RBP2: variants seen among roughly 807,000 people sequenced by gnomAD.
RBP2 encodes retinol-binding protein 2.
RBP2 carries 17 observed loss-of-function variants against 17.0 expected under a neutral mutation model. The ratio of observed to expected loss-of-function variants is 1.00; its 90% CI spans 0.68 to 1.50. The LOEUF (loss-of-function observed/expected upper bound fraction) is 1.50. RBP2 is among the 40% of genes most tolerant of loss of function. The pLI, the probability that RBP2 is intolerant of heterozygous loss-of-function variation, is 0.00. For missense variants in RBP2, 158 were observed against 168.2 expected (o/e 0.94, Z 0.33); for synonymous variants, 48 against 57.1 (o/e 0.84, Z 0.72).
intron 2 of RBP2, among the ~76,000 whole-genome samples, chr3:139,461,200 T>C (rs959767841): frequency 1.3e-5 from 2 of 152,192 alleles, no homozygotes; most frequent in Non-Finnish European, 1.5e-5. Flanking sequence ...AGAGCTGCTG[T>C]TACCCTTGCC....
rs145009414 is a variant in RBP2, at chr3:139,471,422, G to A, written c.73+4965C>T. Among the ~76,000 whole-genome samples the A allele has an allele frequency of 3.4e-3, 525 of 152,292 alleles. 5 individuals carry two copies. Among genetic ancestry groups the A allele is most frequent in the African/African-American group, 0.012 (511 of 41,562 alleles). On this transcript the variant is annotated intron_variant, in intron 1 of 3. Transcript: ENST00000232217. Reference sequence around the variant, plus strand: ...AGCTGTCTGACTTCAGCCTCTCAGGGCTCTGCCTTCCTAGTGGAGCTTTCA... The same window carrying A: ...AGCTGTCTGACTTCAGCCTCTCAGGACTCTGCCTTCCTAGTGGAGCTTTCA...
intron 1 of RBP2, among the ~76,000 whole-genome samples, chr3:139,475,324 TA>T (rs397941333): frequency 0.38 from 27,265 of 71,830 alleles, 3,879 homozygotes; most frequent in African/African-American, 0.56. Context: ...GTCCCCAAAA[TA>T]AAAAAAAAAA....
chr3:139,467,197 A>T (rs1159094289), intron 1 of RBP2, among the ~76,000 whole-genome samples: 3 of 152,218 alleles, frequency 2.0e-5, no homozygotes, highest in Non-Finnish European at 2.9e-5. Context: ...AAGGGCCAGG[A>T]CAGTGATTAT....
chr3:139,462,558 AACACACAC>A (rs59601422), intron 1 of RBP2, among the ~76,000 whole-genome samples: 30 of 121,388 alleles, frequency 2.5e-4, no homozygotes, highest in African/African-American at 6.8e-4. Context: ...GCAGCTCCCC[AACACACAC>A]ACACACACAC....
At chr3:139,458,305 G>A (rs1050508979) in intron 2 of RBP2, among the ~76,000 whole-genome samples, 37 of 151,996 alleles carry the variant, frequency 2.4e-4, no homozygotes, top group African/African-American at 6.8e-4. Flanking sequence ...TGGTTCGCCT[G>A]CAGGGCCCTT....
chr3:139,468,111 A>C (rs1261481889), intron 1 of RBP2, among the ~76,000 whole-genome samples: 1 of 152,210 alleles, frequency 6.6e-6, no homozygotes, highest in African/African-American at 2.4e-5. Context: ...AGGTAAAACC[A>C]CTAAGGAATA....
At chr3:139,465,876 G>C (rs576256810) in intron 1 of RBP2, among the ~76,000 whole-genome samples, 2 of 152,150 alleles carry the variant, frequency 1.3e-5, no homozygotes, top group Admixed American at 6.5e-5. Flanking sequence ...GGAATTGTAC[G>C]TGAGCACGTC....
rs185488523 is a variant in RBP2, at chr3:139,468,078, C to A, written c.74-5788G>T. ...CCATAGGTCATCTGTTAACCATAAC[C>A]AGAAGAAACAGGGGAAGGCTCTAGG... On this transcript the variant is annotated intron_variant, in intron 1 of 3. Coordinates refer to ENST00000232217, the MANE Select transcript of RBP2 (RefSeq NM_004164.3). 2.8e-3 allele frequency among the ~76,000 whole-genome samples: 430 copies of A among 152,228 alleles called. 2 individuals are homozygous for A. Among genetic ancestry groups the A allele is most frequent in the Non-Finnish European group, 3.4e-3 (232 of 68,020 alleles).
chr3:139,469,687 GTCTATCTA>G (rs543597083), intron 1 of RBP2, among the ~76,000 whole-genome samples: 2,117 of 132,948 alleles, frequency 0.016, 35 homozygotes, highest in East Asian at 0.079. Flanking sequence ...CTGTCTGTCT[GTCTATCTA>G]TCTATCTATC....
chr3:139,456,809 GA>G (rs1033170803), intron 2 of RBP2, among the ~76,000 whole-genome samples: 2 of 151,598 alleles, frequency 1.3e-5, no homozygotes, highest in East Asian at 3.9e-4. Context: ...GTTTTCTAAA[GA>G]AAAAAAAGGT....
At chr3:139,459,747 A>G (rs996604245) in intron 2 of RBP2, among the ~76,000 whole-genome samples, 29 of 151,868 alleles carry the variant, frequency 1.9e-4, no homozygotes, top group East Asian at 3.9e-4. Flanking sequence ...TCTGCTCTGC[A>G]TGGTGATTCT....
At chr3:139,461,761 A>G (rs1406611470) in intron 2 of RBP2, among the ~76,000 whole-genome samples, 3 of 152,202 alleles carry the variant, frequency 2.0e-5, no homozygotes, top group Non-Finnish European at 4.4e-5. Flanking sequence ...GGCACTGGGC[A>G]GGGCTGCCAC....
In RBP2 at chr3:139,459,400, A is replaced by ATATATATGTGTGTG. The variant is rs111417242; in HGVS notation, c.252+2711_252+2712insCACACACATATATA. 7.8e-5 allele frequency among the ~76,000 whole-genome samples: 10 copies of ATATATATGTGTGTG among 128,560 alleles called. No homozygotes were observed. In the East Asian group the frequency reaches 1.8e-3, roughly 23 times the overall value. The allele number at this position is 128,560 out of a possible 152,430, so 84.3% of individuals were successfully genotyped here. On this transcript the variant is annotated intron_variant, in intron 2 of 3. Coordinates refer to ENST00000232217, the MANE Select transcript of RBP2 (RefSeq NM_004164.3). ...GTGAAACCCTGTTTCTACTATATAT[A>ATATATATGTGTGTG]TGTGTGTGTGTGTGTGTGTGTGTGT...
chr3:139,465,794 A>G (rs745857006), intron 1 of RBP2, among the ~76,000 whole-genome samples: 10 of 152,188 alleles, frequency 6.6e-5, no homozygotes, highest in Non-Finnish European at 1.2e-4. Context: ...ATAATAAGTG[A>G]GAGCTGAAGC....
Position 139,472,076 on chromosome 3 carries a change from A to G in RBP2, c.73+4311T>C, listed in dbSNP as rs114214668. 4.4e-3 allele frequency among the ~76,000 whole-genome samples: 673 copies of G among 152,204 alleles called. 7 individuals are homozygous for G. The highest frequency in any genetic ancestry group is 0.016 in the African/African-American group (655 of 41,558). On this transcript the variant is annotated intron_variant, in intron 1 of 3. Transcript: ENST00000232217. Reference sequence around the variant, plus strand: ...GTCCCAGGCCCATGCCTGTGCACACACCCATGGGGCTATGCCTGACTCCAT... The same window carrying G: ...GTCCCAGGCCCATGCCTGTGCACACGCCCATGGGGCTATGCCTGACTCCAT...
At chr3:139,454,179 CT>C (rs1159156001) in intron 3 of RBP2, among the ~76,000 whole-genome samples, 3 of 152,198 alleles carry the variant, frequency 2.0e-5, no homozygotes, top group Admixed American at 6.5e-5. Flanking sequence ...AAAAATTAAG[CT>C]GTCTCAACAG....
At chr3:139,465,214 A>G (rs1265327781) in intron 1 of RBP2, among the ~76,000 whole-genome samples, 1 of 152,178 alleles carries the variant, frequency 6.6e-6, no homozygotes, top group African/African-American at 2.4e-5. Flanking sequence ...ATGGGGATAC[A>G]TAGTGAACTG....
At chr3:139,467,932 G>T (rs1282761205) in intron 1 of RBP2, among the ~76,000 whole-genome samples, 2 of 152,080 alleles carry the variant, frequency 1.3e-5, no homozygotes, top group Non-Finnish European at 1.5e-5. Context: ...CAGTTTCCTC[G>T]CTCTATAGTC....
At chr3:139,454,298 C>G (rs1943358185) in intron 3 of RBP2, among the ~76,000 whole-genome samples, 1 of 152,134 alleles carries the variant, frequency 6.6e-6, no homozygotes, top group Admixed American at 6.5e-5. Flanking sequence ...GGAGAGAGGT[C>G]AATACCTGTG....
Sources: gnomAD v4.1 joint callset for allele counts (sites outside exome capture counted in the v4.1 genomes callset) on GRCh38, gnomAD v4.1.1 for gene constraint, MANE v1.5 for transcripts, NCBI Gene and HGNC (gene_info 2026-07-23, HGNC 2026-07-21) for gene names.